HDAC5: variants seen among roughly 807,000 people sequenced by gnomAD.
The protein encoded by HDAC5 is histone deacetylase 5.
A neutral mutation model predicts 133.3 loss-of-function variants in HDAC5; 25 were observed. That is an observed-to-expected ratio of 0.19 (90% CI 0.14 to 0.26). The LOEUF (loss-of-function observed/expected upper bound fraction) is 0.26, where lower values mean the gene tolerates loss of function less well. Ranked by LOEUF, HDAC5 falls within the 10% of genes least tolerant of loss-of-function variation. The pLI, the probability that HDAC5 is intolerant of heterozygous loss-of-function variation, is 1.00. For missense variants in HDAC5, 1,041 were observed against 1,460.5 expected (o/e 0.71, Z 4.68); for synonymous variants, 589 against 610.8 (o/e 0.96, Z 0.53).
chr17:44,087,099 G>A (rs115207064), intron 13 of HDAC5, among the ~76,000 whole-genome samples: 6 of 151,600 alleles, frequency 4.0e-5, no homozygotes, highest in African/African-American at 1.2e-4. Flanking sequence ...GGGCGTGTGT[G>A]TACACACACG....
chr17:44,102,465 A>G (rs2051672980), intron 3 of HDAC5, among the ~76,000 whole-genome samples: 1 of 152,020 alleles, frequency 6.6e-6, no homozygotes, highest in African/African-American at 2.4e-5. Context: ...GCTTCAAGTG[A>G]TTCTCCTGCC....
chr17:44,093,644 G>A lies in HDAC5; in HGVS notation c.285C>T (p.Phe95=), dbSNP rs773956017. Residue 95 remains phenylalanine, a synonymous_variant, in exon 4 of 27, where the codon TTC becomes TTT. Transcript: ENST00000682912. The part of the protein sequence containing the change: ...QQQQLQKQLL[F]AEFQKQHDHL... ...GGTCATGCTGTTTCTGGAACTCAGC[G>A]AACAGGAGCTGCTTCTGCAGCTGCT... is the stretch of plus-strand genomic sequence containing the variant. 1.6e-5 allele frequency: 26 copies of A among 1,612,662 alleles called. No homozygotes were observed. Among genetic ancestry groups the A allele is most frequent in the South Asian group, 1.1e-4 (10 of 91,034 alleles).
In HDAC5 at chr17:44,117,277, AGG is replaced by A. The variant is rs1183580223; in HGVS notation, c.22+215_22+216del. On this transcript the variant is annotated intron_variant, in intron 2 of 26. Coordinates refer to ENST00000682912, the MANE Select transcript of HDAC5 (RefSeq NM_005474.5). The surrounding 1 kb of genome is among the most constrained non-coding windows in gnomAD (Gnocchi z 4.2). ...AGAGGGCAAGCATGGGGGGCAGAGT[AGG>A]ACCCATTGCCTTCCCAGGACCAGAC... Among the ~76,000 whole-genome samples the A allele has an allele frequency of 6.6e-6, 1 of 152,222 alleles. No homozygotes were observed. Among genetic ancestry groups the A allele is most frequent in the Non-Finnish European group, 1.5e-5 (1 of 68,038 alleles).
At chr17:44,082,556 C>T in intron 20 of HDAC5, 29 bp downstream of exon 20, 1 of 1,574,590 alleles carries the variant, frequency 6.4e-7, no homozygotes, top group Non-Finnish European at 8.7e-7. Context: ...CTACCCGCCC[C>T]TGCCCAGCCC....
At chr17:44,111,891 G>C (rs1357833308) in intron 2 of HDAC5, among the ~76,000 whole-genome samples, 1 of 152,148 alleles carries the variant, frequency 6.6e-6, no homozygotes, top group African/African-American at 2.4e-5. Flanking sequence ...CCAGGAAAAG[G>C]GACCAGGGAA....
chr17:44,098,495 T>C (rs1347771009), intron 3 of HDAC5, among the ~76,000 whole-genome samples: 1 of 152,098 alleles, frequency 6.6e-6, no homozygotes, highest in Non-Finnish European at 1.5e-5. Flanking sequence ...TCCCAGCAGT[T>C]TGGGAGGCTG....
At chr17:44,082,103 C>T (rs2050420506) in intron 20 of HDAC5, 2 of 155,010 alleles carry the variant, frequency 1.3e-5, no homozygotes, top group Admixed American at 1.3e-4. Context: ...TGGTCTGAAA[C>T]CCAGTGCCGA....
Position 44,085,083 on chromosome 17 carries a change from G to A in HDAC5, c.2123C>T (p.Ala708Val). ...CGNTHVHPEH[A>V]GRIQSIWSRL... ...GGACCAGATGCTCTGGATCCGGCCA[G>A]CATGCTCAGGGTGCACGTGTGTGTT... Residue 708 changes from alanine (A) to valine (V), a missense_variant, in exon 15 of 27, where the codon GCT becomes GTT. Physicochemically the swap from Ala to Val is moderately conservative, Grantham distance 64. Coordinates refer to ENST00000682912, the MANE Select transcript of HDAC5 (RefSeq NM_005474.5). 6.2e-7 allele frequency: 1 copy of A among 1,603,042 alleles called. No individual in the cohort carries two copies. The highest frequency in any genetic ancestry group is 8.5e-7 in the Non-Finnish European group (1 of 1,170,850).
chr17:44,114,222 G>A (rs2052507833), intron 2 of HDAC5, among the ~76,000 whole-genome samples: 1 of 152,272 alleles, frequency 6.6e-6, no homozygotes, highest in Non-Finnish European at 1.5e-5. Flanking sequence ...AGTGAGCACA[G>A]AGGTGTGCCA....
At chr17:44,118,785 G>T (rs896899483) in intron 1 of HDAC5, among the ~76,000 whole-genome samples, 7 of 152,164 alleles carry the variant, frequency 4.6e-5, no homozygotes, top group Non-Finnish European at 7.3e-5. Context: ...GTGAGCTGCT[G>T]CGAGTTTAAG....
At chr17:44,111,875 C>T (rs2052367864) in intron 2 of HDAC5, among the ~76,000 whole-genome samples, 1 of 152,140 alleles carries the variant, frequency 6.6e-6, no homozygotes, top group South Asian at 2.1e-4. Flanking sequence ...CTTTCCTCAC[C>T]CCAATCCAGG....
chr17:44,115,342 C>G (rs2052585007), intron 2 of HDAC5, among the ~76,000 whole-genome samples: 1 of 152,248 alleles, frequency 6.6e-6, no homozygotes, highest in Non-Finnish European at 1.5e-5. Flanking sequence ...CTTCCCACCT[C>G]TTATCTCCTG....
chr17:44,088,667 A>C, intron 11 of HDAC5, 69 bp from the exon 12 acceptor site: 2 of 1,549,826 alleles, frequency 1.3e-6, no homozygotes, highest in Non-Finnish European at 1.7e-6. Context: ...CCGACCCTGC[A>C]TCTTGCCCCC....
At chr17:44,087,951 C>G (rs1021051391) in intron 12 of HDAC5, among the ~76,000 whole-genome samples, 15 of 152,126 alleles carry the variant, frequency 9.9e-5, no homozygotes, top group African/African-American at 2.9e-4. Flanking sequence ...TCAAGCGATT[C>G]TCCTGCCTCA....
At chr17:44,110,679 G>C in intron 3 of HDAC5, 50 bp downstream of exon 3, 1 of 1,464,938 alleles carries the variant, frequency 6.8e-7, no homozygotes, top group Non-Finnish European at 9.6e-7. Flanking sequence ...TCAGCCCAGG[G>C]ACAAGGATGC....
chr17:44,108,381 G>C (rs1475983602), intron 3 of HDAC5, among the ~76,000 whole-genome samples: 1 of 152,190 alleles, frequency 6.6e-6, no homozygotes, highest in Non-Finnish European at 1.5e-5. Flanking sequence ...GCCAGGCACT[G>C]TGCTAGGTGC....
At chr17:44,088,675 C>T (rs2050787437) in intron 11 of HDAC5, 77 bp from the exon 12 acceptor site, 2 of 1,531,846 alleles carry the variant, frequency 1.3e-6, no homozygotes, top group Non-Finnish European at 1.8e-6. Flanking sequence ...GCATCTTGCC[C>T]CCACAACCCC....
At chr17:44,080,364 G>C in intron 22 of HDAC5, 37 bp downstream of exon 22, 1 of 1,594,442 alleles carries the variant, frequency 6.3e-7, no homozygotes, top group East Asian at 2.2e-5. Flanking sequence ...GCCCAGAGGG[G>C]CTCCCACTGA....
Position 44,107,125 on chromosome 17 carries a change from A to AT in HDAC5, c.94+3603dup, listed in dbSNP as rs1043338323. Among the ~76,000 whole-genome samples the AT allele has an allele frequency of 2.6e-3, 390 of 150,324 alleles. 1 individual carries two copies. The highest frequency in any genetic ancestry group is 2.7e-3 in the Non-Finnish European group (184 of 67,568). Reference sequence around the variant, plus strand: ...GTGCCTGATTAATTTTTTTTTTTACATTTTTTTGTAGAGACAGGGTCTGGC... The same window carrying AT: ...GTGCCTGATTAATTTTTTTTTTTACATTTTTTTTGTAGAGACAGGGTCTGGC... On this transcript the variant is annotated intron_variant, in intron 3 of 26. Coordinates refer to ENST00000682912, the MANE Select transcript of HDAC5 (RefSeq NM_005474.5).
Sources: allele counts gnomAD v4.1 joint callset (sites outside exome capture counted in the v4.1 genomes callset), GRCh38; gene constraint gnomAD v4.1.1; non-coding constraint Gnocchi (gnomAD v3.1); transcripts MANE v1.5; gene names NCBI Gene and HGNC (gene_info 2026-07-23, HGNC 2026-07-21).